Variants in EIF4G3 observed in about 807,000 individuals in gnomAD.
EIF4G3 encodes eIF-4-gamma 3.
EIF4G3 carries 34 observed loss-of-function variants against 186.4 expected under a neutral mutation model. The ratio of observed to expected loss-of-function variants is 0.18; its 90% CI spans 0.14 to 0.24. EIF4G3 has a LOEUF of 0.24. Ranked by LOEUF, EIF4G3 falls within the 10% of genes least tolerant of loss-of-function variation. The pLI, the probability that EIF4G3 is intolerant of heterozygous loss-of-function variation, is 1.00. For missense variants in EIF4G3, 1,536 were observed against 1,948.5 expected, an observed-to-expected ratio of 0.79 and a Z score of 3.99; for synonymous variants, 673 against 679.5, an observed-to-expected ratio of 0.99 and a Z score of 0.15.
chr1:21,132,243 T>C (rs1310625352), intron 2 of EIF4G3, among the ~76,000 whole-genome samples: 1 of 152,122 alleles, frequency 6.6e-6, no homozygotes, highest in Non-Finnish European at 1.5e-5. Flanking sequence ...AAATTTATCA[T>C]TTTCTAAACA....
intron 3 of EIF4G3, among the ~76,000 whole-genome samples, chr1:21,063,465 C>T (rs1001856259): frequency 3.3e-5 from 5 of 151,928 alleles, no homozygotes; most frequent in Admixed American, 2.6e-4. Context: ...AAAATACTAA[C>T]TCATTAGAGA....
chr1:20,819,192 T>A (rs2061715248), intron 33 of EIF4G3, among the ~76,000 whole-genome samples: 1 of 152,148 alleles, frequency 6.6e-6, no homozygotes, highest in South Asian at 2.1e-4. Context: ...ATAAGCTGTT[T>A]AAGCAAACTG....
intron 3 of EIF4G3, among the ~76,000 whole-genome samples, chr1:21,069,029 T>C (rs1366223866): frequency 1.3e-5 from 2 of 152,228 alleles, no homozygotes; most frequent in Non-Finnish European, 2.9e-5. Flanking sequence ...GTATAAACTG[T>C]TCTGTTGAGT....
At chr1:20,993,089 T>C (rs1188503699) in intron 7 of EIF4G3, among the ~76,000 whole-genome samples, 1 of 152,202 alleles carries the variant, frequency 6.6e-6, no homozygotes, top group East Asian at 1.9e-4. Flanking sequence ...CTCTTCAGGT[T>C]ATAAAATGCC....
At chr1:21,144,919 G>C (rs745916836) in intron 2 of EIF4G3, among the ~76,000 whole-genome samples, 4 of 152,116 alleles carry the variant, frequency 2.6e-5, no homozygotes, top group Non-Finnish European at 5.9e-5. Flanking sequence ...ATAAGCATGT[G>C]CCTTGTTAAA....
At chr1:20,967,519 G>C (rs1483442268) in intron 12 of EIF4G3, among the ~76,000 whole-genome samples, 1 of 152,078 alleles carries the variant, frequency 6.6e-6, no homozygotes, top group Non-Finnish European at 1.5e-5. Flanking sequence ...GAATAATGAG[G>C]AGTGATGAAG....
At chr1:21,090,558 T>C (rs1455777121) in intron 2 of EIF4G3, among the ~76,000 whole-genome samples, 1 of 152,220 alleles carries the variant, frequency 6.6e-6, no homozygotes, top group Non-Finnish European at 1.5e-5. Flanking sequence ...TCTTGATCAA[T>C]GGTAATCATG....
intron 4 of EIF4G3, among the ~76,000 whole-genome samples, chr1:21,009,802 G>A (rs1300994013): frequency 7.2e-5 from 11 of 151,900 alleles, no homozygotes; most frequent in African/African-American, 1.7e-4. Context: ...CTACAGGTGC[G>A]TGCCACCACA....
At chr1:20,942,481 T>C in intron 13 of EIF4G3, 151 bp from the exon 14 acceptor site, 1 of 681,906 alleles carries the variant, frequency 1.5e-6, no homozygotes, top group Non-Finnish European at 2.2e-6. Flanking sequence ...AAAAACATTG[T>C]CTCTTTTCTT....
At chr1:21,055,123 AAATT>A (rs1171814524) in intron 3 of EIF4G3, among the ~76,000 whole-genome samples, 1 of 152,222 alleles carries the variant, frequency 6.6e-6, no homozygotes, top group Non-Finnish European at 1.5e-5. Context: ...CTACTTTAGA[AAATT>A]AATAATCAGA....
intron 14 of EIF4G3, among the ~76,000 whole-genome samples, chr1:20,933,681 CAG>C (rs1181555541): frequency 2.6e-5 from 4 of 151,866 alleles, no homozygotes; most frequent in African/African-American, 9.7e-5. Context: ...AAAACAAAAA[CAG>C]GGCACCTTGT....
At chr1:21,144,964 T>C (rs1468849444) in intron 2 of EIF4G3, among the ~76,000 whole-genome samples, 3 of 152,216 alleles carry the variant, frequency 2.0e-5, no homozygotes, top group African/African-American at 7.2e-5. Flanking sequence ...TTTTGTTTTC[T>C]GCTAGCTAGA....
intron 3 of EIF4G3, among the ~76,000 whole-genome samples, chr1:21,082,987 G>A (rs373996490): frequency 4.3e-5 from 6 of 138,890 alleles, no homozygotes; most frequent in South Asian, 2.4e-4. Flanking sequence ...GCAGTGAGCC[G>A]AGATCTCGCC....
intron 29 of EIF4G3, among the ~76,000 whole-genome samples, chr1:20,846,887 G>C (rs2071273383): frequency 6.6e-6 from 1 of 152,124 alleles, no homozygotes; most frequent in South Asian, 2.1e-4. Context: ...ATAGGTATAA[G>C]AACTTGGCAC....
chr1:21,156,142 C>A (rs71647192), intron 2 of EIF4G3, among the ~76,000 whole-genome samples: 3,868 of 134,236 alleles, frequency 0.029, 77 homozygotes, highest in Non-Finnish European at 0.041. Flanking sequence ...AAAAAAAAAA[C>A]AACAAAAAAA....
intron 3 of EIF4G3, among the ~76,000 whole-genome samples, chr1:21,069,927 T>C (rs1183392510): frequency 6.6e-6 from 1 of 152,124 alleles, no homozygotes; most frequent in Non-Finnish European, 1.5e-5. Flanking sequence ...ACAGGAAGAA[T>C]AGAGAAATGA....
intron 3 of EIF4G3, among the ~76,000 whole-genome samples, chr1:21,059,837 CAGTA>C (rs142156531): frequency 7.9e-4 from 121 of 152,256 alleles, no homozygotes; most frequent in Admixed American, 2.0e-3. Context: ...ATTGGAGGGT[CAGTA>C]ACAATGCTAA....
Position 21,124,352 on chromosome 1 carries a change from T to A in EIF4G3, c.-271-35139A>T, listed in dbSNP as rs116729435. On this transcript the variant is annotated intron_variant, in intron 2 of 36. Coordinates refer to ENST00000602326, the MANE Select transcript of EIF4G3 (RefSeq NM_001391906.1). ...AGAAATGTCCTTCATCTGGCACACA[T>A]TCAAACCACTGTCCAACAGTAAAGC... Among the ~76,000 whole-genome samples, 776 of 152,118 alleles carry A rather than the reference T, an allele frequency of 5.1e-3. 7 individuals are homozygous for A. Among genetic ancestry groups the A allele is most frequent in the African/African-American group, 0.018 (745 of 41,506 alleles).
chr1:21,156,805 T>C (rs971981632), intron 2 of EIF4G3, among the ~76,000 whole-genome samples: 1 of 152,190 alleles, frequency 6.6e-6, no homozygotes, highest in South Asian at 2.1e-4. Context: ...CCGGGCACAG[T>C]GGCTCTCATC....
Sources: gnomAD v4.1 joint callset for allele counts (sites outside exome capture counted in the v4.1 genomes callset) on GRCh38, gnomAD v4.1.1 for gene constraint, MANE v1.5 for transcripts, NCBI Gene and HGNC (gene_info 2026-07-23, HGNC 2026-07-21) for gene names.